The following ADGRE3 variants were observed in gnomAD, a reference collection of about 807,000 sequenced individuals.
The protein encoded by ADGRE3 is adhesion G protein-coupled receptor E3.
ADGRE3 carries 88 observed loss-of-function variants against 80.1 expected under a neutral mutation model. The observed-to-expected ratio is 1.10, with a 90% confidence interval of 0.93 to 1.31. ADGRE3 has a LOEUF of 1.31. Ranked by LOEUF, ADGRE3 falls within the 40% of genes most tolerant of loss-of-function variation. The probability of loss-of-function intolerance (pLI) is 0.00; values close to 1 mark genes in which losing one functional copy is unlikely to be tolerated. For synonymous variants in ADGRE3, 281 were observed against 294.8 expected (o/e 0.95, Z 0.48); for missense variants, 715 against 776.5 (o/e 0.92, Z 0.94).
At chr19:14,628,753 CAA>C in intron 14 of ADGRE3, 1 of 334,732 alleles carries the variant, frequency 3.0e-6, no homozygotes. Flanking sequence ...GCCAGTGTTA[CAA>C]GGAAGGCTGT....
intron 10 of ADGRE3, among the ~76,000 whole-genome samples, chr19:14,640,803 C>A (rs1020414164): frequency 2.0e-5 from 3 of 152,140 alleles, no homozygotes; most frequent in Non-Finnish European, 4.4e-5. Flanking sequence ...AAATAAATTT[C>A]ACGAGATCTG....
At position 14,674,784 on chromosome 19, in the gene ADGRE3, G is replaced by A. The variant is rs760617087; in HGVS notation, c.-14C>T. 6.8e-6 allele frequency: 11 copies of A among 1,613,524 alleles called. No individual in the cohort carries two copies. Among genetic ancestry groups the A allele is most frequent in the South Asian group, 6.6e-5 (6 of 91,030 alleles). The stretch of plus-strand genomic sequence containing the variant: ...TGGTCCCTGCATTTCTGTGGTACGG[G>A]TATCCCACGCCAGCCAGCCCTGGAA... On this transcript the variant is annotated 5_prime_UTR_variant, in exon 1 of 16. Coordinates refer to ENST00000253673, the MANE Select transcript of ADGRE3 (RefSeq NM_032571.5).
intron 6 of ADGRE3, among the ~76,000 whole-genome samples, chr19:14,651,645 T>G (rs1477571916): frequency 6.6e-6 from 1 of 152,156 alleles, no homozygotes; most frequent in African/African-American, 2.4e-5. Context: ...CGATTGTGGA[T>G]GGAGGGCAGA....
intron 15 of ADGRE3, chr19:14,622,123 G>C: frequency 9.5e-7 from 1 of 1,052,718 alleles, no homozygotes; most frequent in Non-Finnish European, 1.3e-6. Context: ...CACCAAGGCA[G>C]GTCTGACACA....
At chr19:14,668,139 T>C (rs1450485445) in intron 2 of ADGRE3, among the ~76,000 whole-genome samples, 2 of 152,076 alleles carry the variant, frequency 1.3e-5, no homozygotes, top group Admixed American at 6.6e-5. Flanking sequence ...TAGTCCCAGC[T>C]ACTCGGGAGG....
At chr19:14,656,353 CA>C (rs747939718) in intron 5 of ADGRE3, among the ~76,000 whole-genome samples, 3,739 of 82,336 alleles carry the variant, frequency 0.045, 127 homozygotes, top group African/African-American at 0.15. Context: ...GACTCCATCT[CA>C]AAAAAAAAAA....
rs1189295641 is a variant in ADGRE3 at position 14,620,568 on chromosome 19, ATTTTTT to A, written c.1921-1103_1921-1098del. ...ATATATTATATATATATATATATAT[ATTTTTT>A]TTTTTTTTTTTTTTTTTTTTTTTGA... On this transcript the variant is annotated intron_variant, in intron 15 of 15. Transcript: ENST00000253673. Among the ~76,000 whole-genome samples the A allele has an allele frequency of 3.5e-3, 39 of 11,042 alleles. 4 individuals are homozygous for A. The highest frequency in any genetic ancestry group is 4.1e-3 in the African/African-American group (10 of 2,452). 7.2% of individuals were successfully genotyped at this position (11,042 alleles called of 152,430 possible). A position where few individuals can be genotyped will look rare whatever the true frequency, so the allele number is the denominator to read the frequency against.
chr19:14,665,938 A>ATATATATGCATACATG (rs1275750994), intron 2 of ADGRE3, among the ~76,000 whole-genome samples: 1 of 76,652 alleles, frequency 1.3e-5, no homozygotes, highest in African/African-American at 6.4e-5. Context: ...ACATATGTGT[A>ATATATATGCATACATG]TATATATATA....
At chr19:14,656,116 G>C (rs913374559) in intron 5 of ADGRE3, among the ~76,000 whole-genome samples, 5 of 151,858 alleles carry the variant, frequency 3.3e-5, no homozygotes. Flanking sequence ...AAGGCCGAGG[G>C]GGGTGGATCA....
the ADGRE3 span, among the ~76,000 whole-genome samples, chr19:14,603,443 A>G: frequency 2.0e-5 from 3 of 152,184 alleles, no homozygotes; most frequent in East Asian, 5.8e-4. Flanking sequence ...CCAATGAGAC[A>G]ATCTGTGCAA....
At chr19:14,652,142 T>C (rs913819366) in intron 6 of ADGRE3, among the ~76,000 whole-genome samples, 2 of 151,990 alleles carry the variant, frequency 1.3e-5, no homozygotes, top group African/African-American at 4.8e-5. Flanking sequence ...TGAATTGCAA[T>C]CAAGAAAAAC....
At chr19:14,642,339 C>T (rs1357532931) in intron 9 of ADGRE3, among the ~76,000 whole-genome samples, 1 of 151,458 alleles carries the variant, frequency 6.6e-6, no homozygotes, top group Admixed American at 6.6e-5. Context: ...AGTGAGACCC[C>T]GTATCTAAAA....
intron 5 of ADGRE3, among the ~76,000 whole-genome samples, chr19:14,656,209 G>C (rs112891645): frequency 1.7e-4 from 26 of 152,000 alleles, no homozygotes; most frequent in African/African-American, 6.3e-4. Flanking sequence ...GCCGGGCATG[G>C]TGGCGCGTGC....
intron 8 of ADGRE3, among the ~76,000 whole-genome samples, chr19:14,644,559 A>G (rs1448511576): frequency 6.6e-6 from 1 of 151,908 alleles, no homozygotes; most frequent in African/African-American, 2.4e-5. Flanking sequence ...GACTCAAGCA[A>G]TCTTCCTGCC....
chr19:14,636,241 T>C (rs568583417), intron 11 of ADGRE3, among the ~76,000 whole-genome samples: 26 of 147,670 alleles, frequency 1.8e-4, no homozygotes, highest in Non-Finnish European at 3.3e-4. Context: ...CTTTTTTTTT[T>C]CAGAGTCTCA....
chr19:14,643,130 T>TTA (rs1386400008), intron 9 of ADGRE3, among the ~76,000 whole-genome samples: 2 of 148,846 alleles, frequency 1.3e-5, no homozygotes, highest in African/African-American at 5.0e-5. Context: ...ATGATGTGGT[T>TTA]TATAGTAATC....
At chr19:14,673,542 C>A (rs774363385) in intron 1 of ADGRE3, among the ~76,000 whole-genome samples, 13 of 152,160 alleles carry the variant, frequency 8.5e-5, no homozygotes, top group African/African-American at 2.9e-4. Context: ...TAGCAAAGAT[C>A]TGGAGACAGA....
intron 5 of ADGRE3, among the ~76,000 whole-genome samples, chr19:14,657,726 T>C (rs896781336): frequency 1.2e-5 from 1 of 81,894 alleles, no homozygotes; most frequent in Non-Finnish European, 2.4e-5. Context: ...CCTGCCTATA[T>C]ATACATATAT....
In ADGRE3 at chr19:14,661,963, C is replaced by T. The variant is rs116952654; in HGVS notation, c.355G>A (p.Asp119Asn). 74 of 1,613,664 alleles carry T rather than the reference C, an allele frequency of 4.6e-5. No homozygotes were observed. The highest frequency in any genetic ancestry group is 5.9e-5 in the Non-Finnish European group (70 of 1,179,834). The part of the protein sequence containing the change: ...FSNSNENTCQ[D>N]TTSSKTTEGR... ...GGCAGGAGGACAAAAATGTTCTTAC[C>T]CTGACAGGTGTTCTCATTGGAATTA... The change falls in exon 4 of 16, where the codon GAC (aspartate) becomes AAC (asparagine). Residue 119 changes from aspartate (D) to asparagine (N), a missense_variant and splice_region_variant. Coordinates refer to ENST00000253673, the MANE Select transcript of ADGRE3 (RefSeq NM_032571.5).
Sources: gnomAD v4.1 joint callset for allele counts (sites outside exome capture counted in the v4.1 genomes callset) on GRCh38, gnomAD v4.1.1 for gene constraint, MANE v1.5 for transcripts, NCBI Gene and HGNC (gene_info 2026-07-23, HGNC 2026-07-21) for gene names.